The following SVOP variants were observed in gnomAD, a reference collection of about 807,000 sequenced individuals.
The protein encoded by SVOP is SV2 related protein.
A neutral mutation model predicts 69.1 loss-of-function variants in SVOP; 17 were observed. The observed-to-expected ratio is 0.25, with a 90% CI of 0.17 to 0.37. The LOEUF is 0.37. SVOP is among the 10% of genes least tolerant of loss of function. The probability of loss-of-function intolerance (pLI) is 1.00; values close to 1 mark genes in which losing one functional copy is unlikely to be tolerated. For missense variants in SVOP, 435 were observed against 597.5 expected, an observed-to-expected ratio of 0.73 and a Z score of 2.84; for synonymous variants, 238 against 238.6, an observed-to-expected ratio of 1.00 and a Z score of 0.02.
intron 4 of SVOP, among the ~76,000 whole-genome samples, chr12:108,975,660 A>G (rs143362373): frequency 0.67 from 101,573 of 151,746 alleles, 34,487 homozygotes; most frequent in East Asian, 0.79. Flanking sequence ...GCAAGAGACC[A>G]GAAAGGCCCT....
chr12:108,960,941 A>G lies in SVOP; in HGVS notation c.560T>C (p.Ile187Thr). The change falls in exon 6 of 16, where the codon ATC becomes ACC. Residue 187 changes from isoleucine to threonine, a missense_variant. Physicochemically the swap from Ile to Thr is moderately conservative, Grantham distance 89. Coordinates refer to ENST00000610966, the MANE Select transcript of SVOP (RefSeq NM_018711.5). ...LVLRGLVGFG[I>T]GGVPQSVTLY... is the part of the protein sequence containing the mutation. ...TACTTACGACTGGGGAACTCCTCCG[A>G]TCCCGAAGCCCACCAGGCCCCGGAG... 6.5e-7 allele frequency: 1 copy of G among 1,537,056 alleles called. No homozygotes were observed. Among genetic ancestry groups the G allele is most frequent in the Non-Finnish European group, 8.7e-7 (1 of 1,146,828 alleles).
intron 11 of SVOP, among the ~76,000 whole-genome samples, chr12:108,926,989 T>C (rs1338191335): frequency 6.6e-6 from 1 of 152,228 alleles, no homozygotes; most frequent in African/African-American, 2.4e-5. Context: ...AGTTTGCTTA[T>C]GGCTTTCGAA....
intron 4 of SVOP, among the ~76,000 whole-genome samples, chr12:108,976,679 A>G (rs2040108281): frequency 6.6e-6 from 1 of 151,482 alleles, no homozygotes; most frequent in African/African-American, 2.4e-5. Context: ...GCAATGGCAC[A>G]ATCTCAGCTC....
At chr12:108,914,296 C>T (rs79888757) in intron 15 of SVOP, among the ~76,000 whole-genome samples, 2 of 152,124 alleles carry the variant, frequency 1.3e-5, no homozygotes, top group Admixed American at 6.6e-5. Flanking sequence ...GGTTGCCCAA[C>T]GCTGTGAATG....
intron 5 of SVOP, among the ~76,000 whole-genome samples, chr12:108,966,566 G>T (rs2040046976): frequency 6.6e-6 from 1 of 152,084 alleles, no homozygotes; most frequent in Admixed American, 6.5e-5. Flanking sequence ...TGTTCCTGGG[G>T]GAATTTTGGG....
In SVOP at chr12:109,021,038, GC is replaced by G; in HGVS notation, c.-171del. The G allele has an allele frequency of 1.8e-6, 1 of 543,412 alleles. No homozygotes were observed. Among genetic ancestry groups the G allele is most frequent in the Non-Finnish European group, 3.3e-6 (1 of 304,098 alleles). 33.7% of individuals were successfully genotyped at this position (543,412 alleles called of 1,614,324 possible). ...GCTGGGGACCAGCCCACGAGACAAA[GC>G]CTCCGCCGCCAGGAGACCGCGGCGA... is the stretch of plus-strand genomic sequence containing the variant. On this transcript the variant is annotated 5_prime_UTR_variant, in exon 1 of 16. Transcript: ENST00000610966.
At chr12:108,940,143 C>T (rs1230163609) in intron 8 of SVOP, among the ~76,000 whole-genome samples, 1 of 152,264 alleles carries the variant, frequency 6.6e-6, no homozygotes, top group East Asian at 1.9e-4. Flanking sequence ...TATGATAATG[C>T]ATGGAGCACA....
chr12:108,976,481 A>G (rs2040106840), intron 4 of SVOP, among the ~76,000 whole-genome samples: 1 of 152,212 alleles, frequency 6.6e-6, no homozygotes, highest in Admixed American at 6.5e-5. Context: ...TAAAGAGCAC[A>G]TGTACATTGT....
intron 6 of SVOP, among the ~76,000 whole-genome samples, chr12:108,956,610 T>C (rs959681510): frequency 6.6e-6 from 1 of 152,200 alleles, no homozygotes; most frequent in African/African-American, 2.4e-5. Flanking sequence ...GCAATTCATC[T>C]TGACCGAATC....
intron 2 of SVOP, among the ~76,000 whole-genome samples, chr12:108,981,288 G>C (rs1396188243): frequency 6.6e-6 from 1 of 152,202 alleles, no homozygotes; most frequent in African/African-American, 2.4e-5. Context: ...GGAGGATATG[G>C]ACTTGCCCTG....
At chr12:108,994,500 TAAG>T (rs964223723) in intron 1 of SVOP, among the ~76,000 whole-genome samples, 2 of 152,054 alleles carry the variant, frequency 1.3e-5, no homozygotes, top group African/African-American at 4.8e-5. Context: ...CAAAAAATAA[TAAG>T]AATAAAGAAC....
In SVOP at chr12:108,945,166, C is replaced by G; in HGVS notation, c.579G>C (p.Ser193=). 6.5e-7 allele frequency: 1 copy of G among 1,537,012 alleles called. No individual in the cohort carries two copies. The highest frequency in any genetic ancestry group is 1.7e-4 in the Middle Eastern group (1 of 5,990). ...VGFGIGGVPQ[S]VTLYAEFLPM... ...GAAGGAACTCGGCATACAGCGTCACCCTGGGAATGTAAAAGGGAAAGAAAG... is the reference window on the plus strand; with the variant it reads ...GAAGGAACTCGGCATACAGCGTCACGCTGGGAATGTAAAAGGGAAAGAAAG... Residue 193 remains serine (S), a splice_region_variant and synonymous_variant, in exon 7 of 16, where the codon TCG becomes TCC. Coordinates refer to ENST00000610966, the MANE Select transcript of SVOP (RefSeq NM_018711.5).
intron 11 of SVOP, 97 bp from the exon 12 acceptor site, chr12:108,922,894 T>C: frequency 1.2e-6 from 1 of 823,964 alleles, no homozygotes. Flanking sequence ...GTGATTCAGT[T>C]TAGATGCCAT....
intron 15 of SVOP, 49 bp downstream of exon 15, chr12:108,915,734 A>G (rs1428957780): frequency 1.3e-6 from 2 of 1,545,898 alleles, no homozygotes; most frequent in Non-Finnish European, 8.7e-7. Context: ...CTTGCCATGC[A>G]TGGGGTTTTG....
chr12:108,987,792 T>C (rs1292148105), intron 1 of SVOP, among the ~76,000 whole-genome samples: 1 of 152,240 alleles, frequency 6.6e-6, no homozygotes, highest in Non-Finnish European at 1.5e-5. Flanking sequence ...TGACTTCTTG[T>C]TGTTGACTTG....
intron 11 of SVOP, among the ~76,000 whole-genome samples, chr12:108,928,549 A>G (rs2039795954): frequency 6.7e-6 from 1 of 148,580 alleles, no homozygotes; most frequent in South Asian, 2.2e-4. Flanking sequence ...CAGGTCATAA[A>G]ACCCAGACGG....
intron 1 of SVOP, among the ~76,000 whole-genome samples, chr12:108,992,921 TG>T (rs1268153129): frequency 6.6e-6 from 1 of 151,928 alleles, no homozygotes. Context: ...CCAGACATGG[TG>T]GGGGGCTGGG....
rs940217849 is a variant in SVOP at position 108,937,171 on chromosome 12, T to C, written c.971+93A>G. On this transcript the variant is annotated intron_variant, in intron 10 of 15. Coordinates refer to ENST00000610966, the MANE Select transcript of SVOP (RefSeq NM_018711.5). Reference sequence around the variant, plus strand: ...TGAAATTTGCAAACGCTGCCTGAAATCAAAGTGCTATCTGTCCATTGCATT... The same window carrying C: ...TGAAATTTGCAAACGCTGCCTGAAACCAAAGTGCTATCTGTCCATTGCATT... 3.1e-6 allele frequency: 4 copies of C among 1,302,576 alleles called. No homozygotes were observed. The East Asian group carries it at 6.9e-5, about 23-fold the overall frequency. The allele number at this position is 1,302,576 out of a possible 1,614,324, so 80.7% of individuals were successfully genotyped here.
Position 108,945,907 on chromosome 12 carries a change from G to T in SVOP, c.579-741C>A, listed in dbSNP as rs535451836. Among the ~76,000 whole-genome samples, 5 of 152,112 alleles carry T rather than the reference G, an allele frequency of 3.3e-5. No individual in the cohort carries two copies. The South Asian group carries it at 8.3e-4, about 25-fold the overall frequency. ...ATGGAGATTACCAGCTTGGTAATCTGGTCTAACAGATTTCTCCACCCTAAG... is the reference window on the plus strand; with the variant it reads ...ATGGAGATTACCAGCTTGGTAATCTTGTCTAACAGATTTCTCCACCCTAAG... On this transcript the variant is annotated intron_variant, in intron 6 of 15. Transcript: ENST00000610966.
Sources: allele counts gnomAD v4.1 joint callset (sites outside exome capture counted in the v4.1 genomes callset), GRCh38; gene constraint gnomAD v4.1.1; transcripts MANE v1.5; gene names NCBI Gene and HGNC (gene_info 2026-07-23, HGNC 2026-07-21).